TEAD2: variants seen among roughly 807,000 people sequenced by gnomAD.
TEAD2 encodes the protein transcriptional enhancer factor TEF-4.
A neutral mutation model predicts 61.4 loss-of-function variants in TEAD2; 51 were observed. That is an observed-to-expected ratio of 0.83 (90% CI 0.66 to 1.05). TEAD2 has a LOEUF of 1.05. Ranked by LOEUF, TEAD2 falls within the 50% of genes least tolerant of loss-of-function variation. The probability of loss-of-function intolerance (pLI) is 0.00; values close to 1 mark genes in which losing one functional copy is unlikely to be tolerated. For missense variants in TEAD2, 509 were observed against 600.0 expected (o/e 0.85, Z 1.58); for synonymous variants, 244 against 243.2 (o/e 1.00, Z -0.03).
At chr19:49,347,579 T>A (rs975346237) in intron 9 of TEAD2, among the ~76,000 whole-genome samples, 3 of 152,042 alleles carry the variant, frequency 2.0e-5, no homozygotes, top group Non-Finnish European at 4.4e-5. Context: ...CCCAACTCCC[T>A]GCCACAACTC....
intron 12 of TEAD2, among the ~76,000 whole-genome samples, chr19:49,342,117 G>A (rs377006431): frequency 5.3e-5 from 8 of 152,004 alleles, no homozygotes; most frequent in Non-Finnish European, 7.4e-5. Context: ...ACTTGAACCC[G>A]GGAGGCAGAG....
intron 10 of TEAD2, among the ~76,000 whole-genome samples, chr19:49,346,865 C>T (rs1971676883): frequency 6.6e-6 from 1 of 152,178 alleles, no homozygotes; most frequent in Admixed American, 6.5e-5. Flanking sequence ...TTGGTGCAGT[C>T]AGGTGGGGCA....
At chr19:49,347,614 A>G (rs1157865326) in intron 9 of TEAD2, among the ~76,000 whole-genome samples, 2 of 151,988 alleles carry the variant, frequency 1.3e-5, no homozygotes, top group African/African-American at 4.8e-5. Flanking sequence ...TCACTGCCTC[A>G]GCCTCACCTC....
At chr19:49,350,378 G>A (rs578057331) in intron 8 of TEAD2, among the ~76,000 whole-genome samples, 8 of 151,946 alleles carry the variant, frequency 5.3e-5, no homozygotes, top group Non-Finnish European at 7.4e-5. Context: ...GGAGTGCAAC[G>A]GTGCCACCTC....
chr19:49,351,209 T>G (rs1971998238), intron 8 of TEAD2, 92 bp downstream of exon 8: 19 of 1,231,794 alleles, frequency 1.5e-5, no homozygotes, highest in Non-Finnish European at 2.0e-5. Context: ...AAAAAAACAA[T>G]GTATCCCTCA....
At chr19:49,343,473 T>G in intron 10 of TEAD2, 75 bp from the exon 11 acceptor site, 1 of 1,494,730 alleles carries the variant, frequency 6.7e-7, no homozygotes, top group Non-Finnish European at 8.9e-7. Flanking sequence ...GGCGCAGTGG[T>G]TCACACCTGT....
Position 49,355,338 on chromosome 19 carries a change from C to T in TEAD2, c.454G>A (p.Ala152Thr). The T allele has an allele frequency of 6.2e-7, 1 of 1,614,182 alleles. No homozygotes were observed. The highest frequency in any genetic ancestry group is 1.6e-4 in the Middle Eastern group (1 of 6,062). ...TGAGGACCAGTGGGACCCAGTTTGG[C>T]CTGCAGAGAAGGCGCGGAGATGAGC... ...AQLISAPSLQ[A>T]KLGPTGPQAS... The change falls in exon 6 of 13, where the codon GCC becomes ACC. Residue 152 changes from alanine (A) to threonine (T), a missense_variant. Transcript: ENST00000593945.
At chr19:49,360,799 A>AG (rs66557222) in intron 1 of TEAD2, among the ~76,000 whole-genome samples, 7,072 of 45,972 alleles carry the variant, frequency 0.15, 662 homozygotes, top group African/African-American at 0.24. Flanking sequence ...GAGACCAGCA[A>AG]GGGGGGGGGA....
At chr19:49,347,129 AG>A in intron 10 of TEAD2, 60 bp downstream of exon 10, 1 of 1,590,566 alleles carries the variant, frequency 6.3e-7, no homozygotes, top group Non-Finnish European at 8.6e-7. Context: ...TCAGGGCCAG[AG>A]GCCTTTGCTG....
intron 8 of TEAD2, among the ~76,000 whole-genome samples, chr19:49,350,230 G>A (rs766512077): frequency 2.0e-5 from 3 of 152,284 alleles, no homozygotes; most frequent in South Asian, 2.1e-4. Flanking sequence ...CACTTGAGCC[G>A]CTGGATCCAG....
In TEAD2 at chr19:49,341,473, G is replaced by C; in HGVS notation, c.1243-36C>G. On this transcript the variant is annotated intron_variant, in intron 12 of 12. Transcript: ENST00000593945. This position sits in a 1 kb window ranked among gnomAD's most constrained non-coding sequence, Gnocchi z 4.2. Reference sequence around the variant, plus strand: ...GGCCAGGACAAGGGACTTATGCTTAGAAGGGAGGGCAGGGACCCCTGTGCC... The same window carrying C: ...GGCCAGGACAAGGGACTTATGCTTACAAGGGAGGGCAGGGACCCCTGTGCC... The C allele has an allele frequency of 6.3e-7, 1 of 1,577,808 alleles. No individual in the cohort carries two copies. The highest frequency in any genetic ancestry group is 2.2e-5 in the East Asian group (1 of 44,688).
In TEAD2 at chr19:49,359,289, A is replaced by C; in HGVS notation, c.297+146T>G. The C allele has an allele frequency of 1.4e-6, 1 of 717,820 alleles. No individual in the cohort carries two copies. The highest frequency in any genetic ancestry group is 2.5e-6 in the Non-Finnish European group (1 of 403,184). 44.5% of individuals were successfully genotyped at this position (717,820 alleles called of 1,614,324 possible). A position where few individuals can be genotyped will look rare whatever the true frequency, so the allele number is the denominator to read the frequency against. On this transcript the variant is annotated intron_variant, in intron 3 of 12. Coordinates refer to ENST00000593945, the MANE Select transcript of TEAD2 (RefSeq NM_001256660.2). This position sits in a 1 kb window ranked among gnomAD's most constrained non-coding sequence, Gnocchi z 4.1. Reference sequence around the variant, plus strand: ...CCAGCCTCGGGTAATTCTTTATAGCAATACAAACGGACTAACACACATGCC... The same window carrying C: ...CCAGCCTCGGGTAATTCTTTATAGCCATACAAACGGACTAACACACATGCC...
intron 4 of TEAD2, 148 bp downstream of exon 4, chr19:49,357,104 G>A: frequency 1.4e-6 from 1 of 738,146 alleles, no homozygotes; most frequent in Non-Finnish European, 2.2e-6. Flanking sequence ...CTCTCCCTGG[G>A]TCTCTGTCCC....
intron 1 of TEAD2, chr19:49,360,364 G>T (rs543806948): frequency 4.3e-6 from 2 of 462,252 alleles, no homozygotes; most frequent in Non-Finnish European, 3.8e-6. Flanking sequence ...AGGGAGCGGG[G>T]GCTGGAGGCC....
rs753797404 is a variant in TEAD2 at position 49,342,538 on chromosome 19, G to A, written c.1142C>T (p.Ser381Leu). The part of the protein sequence containing the change: ...DGRFVYRLLR[S>L]PMCEYLVNFL... ...ATTCACCAGGTACTCGCACATGGGCGAGCGCAGCAGGCGGTACACAAATCT... is the reference window on the plus strand; with the variant it reads ...ATTCACCAGGTACTCGCACATGGGCAAGCGCAGCAGGCGGTACACAAATCT... Residue 381 changes from serine to leucine, a missense_variant, in exon 12 of 13, where the codon TCG becomes TTG. Coordinates refer to ENST00000593945, the MANE Select transcript of TEAD2 (RefSeq NM_001256660.2). 22 of 1,614,098 alleles carry A rather than the reference G, an allele frequency of 1.4e-5. No individual in the cohort carries two copies. Among genetic ancestry groups the A allele is most frequent in the East Asian group, 2.2e-5 (1 of 44,886 alleles).
In TEAD2 at chr19:49,341,257, G is replaced by A; in HGVS notation, c.*67C>T. ...CCCTCTCCCCAAATAAGAAGCATGA[G>A]GTGAGCTGGAGGACCCTCCCTGGGA... is the stretch of plus-strand genomic sequence containing the variant. On this transcript the variant is annotated 3_prime_UTR_variant, in exon 13 of 13. Transcript: ENST00000593945. The surrounding 1 kb of genome is among the most constrained non-coding windows in gnomAD (Gnocchi z 4.2). 7.6e-7 allele frequency: 1 copy of A among 1,314,454 alleles called. No individual in the cohort carries two copies. The highest frequency in any genetic ancestry group is 1.2e-5 in the South Asian group (1 of 84,790). The allele number at this position is 1,314,454 out of a possible 1,614,324, so 81.4% of individuals were successfully genotyped here. A position where few individuals can be genotyped will look rare whatever the true frequency, so the allele number is the denominator to read the frequency against.
At chr19:49,356,144 G>A (rs1972377333) in intron 4 of TEAD2, 174 bp from the exon 5 acceptor site, 3 of 426,362 alleles carry the variant, frequency 7.0e-6, no homozygotes, top group East Asian at 7.1e-5. Context: ...CAGCCCTGGA[G>A]GGGAAAAGGG....
rs370029637 is a variant in TEAD2, at chr19:49,359,887, G to A, written c.189C>T (p.Cys63=). The A allele has an allele frequency of 3.8e-5, 61 of 1,613,506 alleles. No individual in the cohort carries two copies. Among genetic ancestry groups the A allele is most frequent in the Non-Finnish European group, 4.4e-5 (52 of 1,180,034 alleles). The change falls in exon 2 of 13, where the codon TGC becomes TGT. Residue 63 remains cysteine, a synonymous_variant. Transcript: ENST00000593945. This position sits in a 1 kb window ranked among gnomAD's most constrained non-coding sequence, Gnocchi z 4.1. ...FQEALAIYPP[C]GRRKIILSDE... The stretch of plus-strand genomic sequence containing the variant: ...CAGACAAAATTATTTTCCGGCGGCC[G>A]CAGGGTGGATAGATGGCCAGGGCCT...
chr19:49,355,467 A>T, intron 5 of TEAD2, 48 bp from the exon 6 acceptor site: 1 of 1,513,984 alleles, frequency 6.6e-7, no homozygotes, highest in Non-Finnish European at 9.2e-7. Flanking sequence ...CTCAGTCAAC[A>T]TGGCAAGAGG....
Sources: gnomAD v4.1 joint callset for allele counts (sites outside exome capture counted in the v4.1 genomes callset) on GRCh38, gnomAD v4.1.1 for gene constraint, Gnocchi (gnomAD v3.1) non-coding constraint, MANE v1.5 for transcripts, NCBI Gene and HGNC (gene_info 2026-07-23, HGNC 2026-07-21) for gene names.